Variants in RBFOX1 observed in about 807,000 individuals in gnomAD.
RBFOX1 encodes RNA binding fox-1 homolog 1, also known as RNA binding protein fox-1 homolog 1.
A neutral mutation model predicts 57.7 loss-of-function variants in RBFOX1; 8 were observed. That is an observed-to-expected ratio of 0.14 (90% CI 0.08 to 0.25). The LOEUF is 0.25. RBFOX1 is among the 10% of genes least tolerant of loss of function. RBFOX1 has a pLI of 1.00. For synonymous variants in RBFOX1, 326 were observed against 222.4 expected, an observed-to-expected ratio of 1.47 and a Z score of -4.15; for missense variants, 611 against 548.5, an observed-to-expected ratio of 1.11 and a Z score of -1.14.
At chr16:6,694,701 C>G (rs1408403099) in intron 3 of RBFOX1, among the ~76,000 whole-genome samples, 36 of 152,130 alleles carry the variant, frequency 2.4e-4, no homozygotes, top group Admixed American at 2.4e-3. Flanking sequence ...GCCACCAGCT[C>G]TATCATATCC....
chr16:6,309,947 A>G (rs2152760067), intron 1 of RBFOX1, among the ~76,000 whole-genome samples: 1 of 152,304 alleles, frequency 6.6e-6, no homozygotes, highest in South Asian at 2.1e-4. Context: ...CCCAGGCTGG[A>G]GTGCAGTGGC....
At chr16:5,448,355 C>T (rs977294363) in intron 1 of RBFOX1, among the ~76,000 whole-genome samples, 1 of 151,790 alleles carries the variant, frequency 6.6e-6, no homozygotes, top group African/African-American at 2.4e-5. Context: ...GTTCCAGAGG[C>T]AAAAAAACTG....
At chr16:5,256,467 T>A (rs28620652) in intron 1 of RBFOX1, among the ~76,000 whole-genome samples, 50,363 of 152,028 alleles carry the variant, frequency 0.33, 8,485 homozygotes, top group African/African-American at 0.4. Context: ...AAAGTGGGAT[T>A]GGAAACCACA....
chr16:5,892,295 CA>C (rs1213430660), intron 4 of RBFOX1, among the ~76,000 whole-genome samples: 1 of 152,172 alleles, frequency 6.6e-6, no homozygotes. Flanking sequence ...GGTGATTGAG[CA>C]TGCTTAGCAG....
chr16:5,893,640 C>G (rs1288579326), intron 4 of RBFOX1, among the ~76,000 whole-genome samples: 3 of 152,032 alleles, frequency 2.0e-5, no homozygotes, highest in African/African-American at 7.3e-5. Flanking sequence ...AACCCCGTCT[C>G]CACTAAAAAT....
intron 4 of RBFOX1, among the ~76,000 whole-genome samples, chr16:7,199,790 G>A (rs1284516572): frequency 6.6e-6 from 1 of 152,126 alleles, no homozygotes; most frequent in African/African-American, 2.4e-5. Context: ...GTTTGCTCAG[G>A]AGGCTGAGAC....
At chr16:7,215,465 A>G (rs1014771176) in intron 4 of RBFOX1, among the ~76,000 whole-genome samples, 1 of 152,172 alleles carries the variant, frequency 6.6e-6, no homozygotes, top group Non-Finnish European at 1.5e-5. Flanking sequence ...TAGCACATAT[A>G]CACCATGGAA....
At chr16:6,737,822 C>A (rs1336082501) in intron 3 of RBFOX1, among the ~76,000 whole-genome samples, 1 of 152,062 alleles carries the variant, frequency 6.6e-6, no homozygotes, top group African/African-American at 2.4e-5. Flanking sequence ...TTAGTTAACT[C>A]CTTTTATTTG....
intron 10 of RBFOX1, among the ~76,000 whole-genome samples, chr16:7,627,423 C>T (rs1450231937): frequency 6.6e-6 from 1 of 152,074 alleles, no homozygotes; most frequent in African/African-American, 2.4e-5. Flanking sequence ...CATTTGCCAT[C>T]CCTAGATTAT....
chr16:7,202,730 ACTT>A (rs1441336746), intron 4 of RBFOX1, among the ~76,000 whole-genome samples: 1 of 152,196 alleles, frequency 6.6e-6, no homozygotes, highest in African/African-American at 2.4e-5. Context: ...TAGGTTGTGC[ACTT>A]CTTATGAGAA....
chr16:7,052,717 C>T (rs1202609039), intron 4 of RBFOX1, among the ~76,000 whole-genome samples: 1 of 152,106 alleles, frequency 6.6e-6, no homozygotes, highest in Non-Finnish European at 1.5e-5. Flanking sequence ...ATAAATGGAG[C>T]TTGGTGACAT....
intron 3 of RBFOX1, among the ~76,000 whole-genome samples, chr16:6,923,795 A>T (rs909642706): frequency 2.0e-5 from 3 of 152,108 alleles, no homozygotes; most frequent in Non-Finnish European, 2.9e-5. Flanking sequence ...CCAATAAAGG[A>T]TTTGCCACCT....
At chr16:6,144,986 G>C (rs1597752204) in intron 1 of RBFOX1, among the ~76,000 whole-genome samples, 1 of 152,102 alleles carries the variant, frequency 6.6e-6, no homozygotes, top group East Asian at 1.9e-4. Context: ...ATGGCTACAA[G>C]CCAGTGAGAT....
chr16:5,688,115 C>T (rs1170107399), intron 3 of RBFOX1, among the ~76,000 whole-genome samples: 1 of 152,158 alleles, frequency 6.6e-6, no homozygotes, highest in East Asian at 1.9e-4. Context: ...ATTTATTATA[C>T]TCTTGTAGTT....
chr16:5,812,886 G>C (rs1032174593), intron 3 of RBFOX1, among the ~76,000 whole-genome samples: 4 of 151,974 alleles, frequency 2.6e-5, no homozygotes, highest in African/African-American at 9.7e-5. Flanking sequence ...TTCCATGTGT[G>C]TATTTTCTTT....
intron 3 of RBFOX1, among the ~76,000 whole-genome samples, chr16:6,759,679 A>T (rs918261771): frequency 1.3e-5 from 2 of 152,132 alleles, no homozygotes; most frequent in African/African-American, 4.8e-5. Flanking sequence ...GCCTTTTCTT[A>T]AATTTCAACT....
chr16:6,558,194 C>T (rs375956377), intron 2 of RBFOX1, among the ~76,000 whole-genome samples: 5 of 152,220 alleles, frequency 3.3e-5, no homozygotes, highest in African/African-American at 1.2e-4. Flanking sequence ...GCGTAACGTG[C>T]AGGTGTGTTG....
At chr16:7,108,492 G>A (rs2064020150) in intron 4 of RBFOX1, among the ~76,000 whole-genome samples, 1 of 152,110 alleles carries the variant, frequency 6.6e-6, no homozygotes, top group Non-Finnish European at 1.5e-5. Flanking sequence ...TATTAAACAT[G>A]TACTGTCTCC....
intron 4 of RBFOX1, among the ~76,000 whole-genome samples, chr16:7,154,454 A>G (rs1210802685): frequency 6.6e-6 from 1 of 152,208 alleles, no homozygotes; most frequent in African/African-American, 2.4e-5. Flanking sequence ...GATCTTTCCT[A>G]AGATTTACCT....
Sources: allele counts gnomAD v4.1 joint callset (sites outside exome capture counted in the v4.1 genomes callset), GRCh38; gene constraint gnomAD v4.1.1; transcripts MANE v1.5; gene names NCBI Gene and HGNC (gene_info 2026-07-23, HGNC 2026-07-21).